NAALADL2: variants seen among roughly 807,000 people sequenced by gnomAD.
NAALADL2 encodes the protein N-acetylated alpha-linked acidic dipeptidase like 2, also known as inactive N-acetylated-alpha-linked acidic dipeptidase-like protein 2.
Under a neutral mutation model 87.2 loss-of-function variants are expected in NAALADL2, and 76 were observed. The ratio of observed to expected loss-of-function variants is 0.87; its 90% CI spans 0.72 to 1.05. The LOEUF is 1.05. Among genes scored for constraint, NAALADL2 ranks in the 50% least tolerant of loss-of-function variants. The pLI is 0.00. For missense variants in NAALADL2, 1,089 were observed against 945.8 expected, an observed-to-expected ratio of 1.15 and a Z score of -1.99; for synonymous variants, 354 against 331.0, an observed-to-expected ratio of 1.07 and a Z score of -0.75.
chr3:175,263,294 T>G (rs1751393700), intron 4 of NAALADL2, among the ~76,000 whole-genome samples: 1 of 151,966 alleles, frequency 6.6e-6, no homozygotes, highest in Non-Finnish European at 1.5e-5. Context: ...GACTTAAGAC[T>G]GTGTCATTAT....
chr3:174,945,515 G>A (rs2108489044), intron 1 of NAALADL2, among the ~76,000 whole-genome samples: 2 of 152,246 alleles, frequency 1.3e-5, no homozygotes, highest in South Asian at 4.1e-4. Flanking sequence ...AAAAGCTTGA[G>A]CTACCCAAAT....
chr3:175,217,361 T>C (rs1247347229), intron 2 of NAALADL2, among the ~76,000 whole-genome samples: 1 of 152,156 alleles, frequency 6.6e-6, no homozygotes, highest in Non-Finnish European at 1.5e-5. Context: ...TCCAAAAATA[T>C]CAGGCAAAAG....
rs1003606174 is a variant in NAALADL2 at position 175,457,034 on chromosome 3, A to C, written c.1235-6367A>C. On this transcript the variant is annotated intron_variant, in intron 6 of 13. Coordinates refer to ENST00000454872, the MANE Select transcript of NAALADL2 (RefSeq NM_207015.3). ...AACAGTAATACTACAGAGTGAGACTATGTTTTTCCTATTGCATTTTATGAG... is the reference window on the plus strand; with the variant it reads ...AACAGTAATACTACAGAGTGAGACTCTGTTTTTCCTATTGCATTTTATGAG... 1.2e-4 allele frequency among the ~76,000 whole-genome samples: 19 copies of C among 152,158 alleles called. 1 individual carries two copies. The highest frequency in any genetic ancestry group is 1.1e-3 in the Admixed American group (16 of 15,238).
chr3:175,638,779 A>G (rs919691088), intron 11 of NAALADL2, among the ~76,000 whole-genome samples: 1 of 152,226 alleles, frequency 6.6e-6, no homozygotes, highest in Non-Finnish European at 1.5e-5. Flanking sequence ...CTGAACAAGT[A>G]TAAGCCTTTA....
intron 2 of NAALADL2, among the ~76,000 whole-genome samples, chr3:174,586,954 G>C (rs1716791367): frequency 6.6e-6 from 1 of 151,804 alleles, no homozygotes; most frequent in Non-Finnish European, 1.5e-5. Flanking sequence ...ATTTACATTA[G>C]GTATATCTCC....
chr3:175,299,154 C>A (rs1043501167), intron 4 of NAALADL2, among the ~76,000 whole-genome samples: 1 of 152,214 alleles, frequency 6.6e-6, no homozygotes, highest in African/African-American at 2.4e-5. Context: ...CAGTACCATG[C>A]GGTTTTGGTT....
chr3:175,367,240 C>A (rs542605187), intron 5 of NAALADL2, among the ~76,000 whole-genome samples: 105 of 151,918 alleles, frequency 6.9e-4, no homozygotes, highest in Non-Finnish European at 1.2e-3. Flanking sequence ...GGTACCAGTT[C>A]CATGCTGTTT....
At chr3:174,480,302 T>A (rs1176792231) in intron 1 of NAALADL2, among the ~76,000 whole-genome samples, 2 of 152,094 alleles carry the variant, frequency 1.3e-5, no homozygotes, top group African/African-American at 2.4e-5. Context: ...GCTGTAGAAT[T>A]GCCTTGATGT....
chr3:174,873,900 C>G (rs545935641), intron 1 of NAALADL2, among the ~76,000 whole-genome samples: 1 of 151,796 alleles, frequency 6.6e-6, no homozygotes, highest in Non-Finnish European at 1.5e-5. Context: ...ATAAAGAATT[C>G]TGCCATCAAA....
chr3:175,364,872 T>C lies in NAALADL2; in HGVS notation c.1090+40547T>C, dbSNP rs572299413. Among the ~76,000 whole-genome samples the C allele has an allele frequency of 2.1e-3, 309 of 147,818 alleles. 20 individuals are homozygous for C. The highest frequency in any genetic ancestry group is 6.9e-3 in the Middle Eastern group (2 of 288). ...TAGTCAGTGGAGGAAAGGAGACATATCTTGGAAGAAGAGTCAAACTGACAT... is the reference window on the plus strand; with the variant it reads ...TAGTCAGTGGAGGAAAGGAGACATACCTTGGAAGAAGAGTCAAACTGACAT... On this transcript the variant is annotated intron_variant, in intron 5 of 13. Coordinates refer to ENST00000454872, the MANE Select transcript of NAALADL2 (RefSeq NM_207015.3).
chr3:175,605,640 G>GTTTTTTTT lies in NAALADL2; in HGVS notation c.1801-21642_1801-21635dup, dbSNP rs751433758. On this transcript the variant is annotated intron_variant, in intron 10 of 13. Transcript: ENST00000454872. ...GAGGACACCTAGATGTATATTGCTT[G>GTTTTTTTT]TTTTTTTTTTTTTTTTAACTGTATT... is the stretch of plus-strand genomic sequence containing the variant. 2.5e-4 allele frequency among the ~76,000 whole-genome samples: 9 copies of GTTTTTTTT among 36,688 alleles called. 1 individual carries two copies. Among genetic ancestry groups the GTTTTTTTT allele is most frequent in the Non-Finnish European group, 5.7e-4 (9 of 15,692 alleles). 24.1% of individuals were successfully genotyped at this position (36,688 alleles called of 152,430 possible).
At chr3:174,935,390 G>A (rs1252287301) in intron 1 of NAALADL2, among the ~76,000 whole-genome samples, 1 of 152,092 alleles carries the variant, frequency 6.6e-6, no homozygotes, top group African/African-American at 2.4e-5. Context: ...TTTGATGAAA[G>A]CTGTGACCAA....
intron 1 of NAALADL2, among the ~76,000 whole-genome samples, chr3:174,889,020 G>C (rs1230386907): frequency 6.6e-6 from 1 of 152,074 alleles, no homozygotes; most frequent in Non-Finnish European, 1.5e-5. Context: ...GATATATTCT[G>C]TAGCACCTTG....
rs1370252266 is a variant in NAALADL2, at chr3:175,471,620, T to C, written c.1534-19T>C. 9 of 1,045,660 alleles carry C rather than the reference T, an allele frequency of 8.6e-6. No homozygotes were observed. The highest frequency in any genetic ancestry group is 1.2e-5 in the Non-Finnish European group (9 of 778,906). The allele number at this position is 1,045,660 out of a possible 1,614,324, so 64.8% of individuals were successfully genotyped here. A position where few individuals can be genotyped will look rare whatever the true frequency, so the allele number is the denominator to read the frequency against. On this transcript the variant is annotated intron_variant, in intron 8 of 13. Transcript: ENST00000454872. ...TTTATTTGTCTTACAGATAGATCCT[T>C]TTTTTTTTGTTATTTCAGGATTTCA...
intron 2 of NAALADL2, among the ~76,000 whole-genome samples, chr3:174,715,373 C>T (rs115968458): frequency 6.6e-6 from 1 of 152,152 alleles, no homozygotes; most frequent in African/African-American, 2.4e-5. Context: ...CAATGTTTTA[C>T]CAGACAGATT....
chr3:175,073,692 T>A (rs997381807), intron 1 of NAALADL2, among the ~76,000 whole-genome samples: 9 of 152,078 alleles, frequency 5.9e-5, no homozygotes. Context: ...CTTTGCAACA[T>A]CCTTTGACCT....
chr3:174,896,200 A>C (rs1731507757), intron 1 of NAALADL2, among the ~76,000 whole-genome samples: 1 of 152,012 alleles, frequency 6.6e-6, no homozygotes, highest in Admixed American at 6.6e-5. Context: ...ACAAGAGAAA[A>C]ATTTAAAGGA....
intron 11 of NAALADL2, among the ~76,000 whole-genome samples, chr3:175,724,719 T>C (rs541355081): frequency 3.9e-5 from 6 of 152,244 alleles, no homozygotes; most frequent in African/African-American, 1.4e-4. Context: ...TACCTCTCTC[T>C]AGTGCCTTCA....
At chr3:175,509,056 T>C (rs1300793001) in intron 9 of NAALADL2, among the ~76,000 whole-genome samples, 4 of 151,006 alleles carry the variant, frequency 2.6e-5, no homozygotes, top group East Asian at 1.9e-4. Context: ...ACGGACGTTG[T>C]AGTGAGCTGA....
Sources: allele counts gnomAD v4.1 joint callset (sites outside exome capture counted in the v4.1 genomes callset), GRCh38; gene constraint gnomAD v4.1.1; transcripts MANE v1.5; gene names NCBI Gene and HGNC (gene_info 2026-07-23, HGNC 2026-07-21).